Variants in EPM2A observed in about 807,000 individuals in gnomAD.
The protein encoded by EPM2A is laforin.
In EPM2A, 21 loss-of-function variants were observed where a neutral mutation model predicts 26.5. That is an observed-to-expected ratio of 0.79 (90% CI 0.56 to 1.14). The LOEUF (loss-of-function observed/expected upper bound fraction) is 1.14. Among genes scored for constraint, EPM2A ranks in the 50% most tolerant of loss-of-function variants. The pLI, the probability that EPM2A is intolerant of heterozygous loss-of-function variation, is 0.00. For missense variants in EPM2A, 458 were observed against 440.8 expected (o/e 1.04, Z -0.35); for synonymous variants, 217 against 177.6 (o/e 1.22, Z -1.76).
chr6:145,627,784 G>T, intron 3 of EPM2A, 91 bp from the exon 4 acceptor site: 2 of 1,533,122 alleles, frequency 1.3e-6, no homozygotes, highest in Non-Finnish European at 1.8e-6. Flanking sequence ...GAAATCACAG[G>T]GCTGCACAGG....
chr6:145,428,067 T>C (rs1007518587), intron 4 of EPM2A, among the ~76,000 whole-genome samples: 5 of 148,186 alleles, frequency 3.4e-5, no homozygotes, highest in African/African-American at 1.3e-4. Context: ...TATCTTTTTG[T>C]GTTGATAGTT....
chr6:145,512,662 G>T (rs1438496135), intron 2 of EPM2A, among the ~76,000 whole-genome samples: 2 of 124,536 alleles, frequency 1.6e-5, no homozygotes, highest in Non-Finnish European at 3.2e-5. Flanking sequence ...AGTGAGCCGA[G>T]ATCGCACCAC....
chr6:145,419,684 C>G (rs989167208), intron 4 of EPM2A, among the ~76,000 whole-genome samples: 6 of 152,000 alleles, frequency 3.9e-5, no homozygotes, highest in Non-Finnish European at 8.8e-5. Flanking sequence ...GCACTAAAGA[C>G]TAAAATTATC....
chr6:145,576,746 T>A (rs1781037405), intron 2 of EPM2A, among the ~76,000 whole-genome samples: 1 of 152,144 alleles, frequency 6.6e-6, no homozygotes, highest in Non-Finnish European at 1.5e-5. Context: ...ATAGAATATG[T>A]TAATACTTAA....
At chr6:145,596,372 A>G (rs912566815) in intron 2 of EPM2A, among the ~76,000 whole-genome samples, 3 of 152,182 alleles carry the variant, frequency 2.0e-5, no homozygotes, top group African/African-American at 7.2e-5. Context: ...TCTCTAAACA[A>G]TATGCATCTA....
downstream of EPM2A, among the ~76,000 whole-genome samples, chr6:145,624,186 T>C (rs1775697293): frequency 6.6e-6 from 1 of 152,176 alleles, no homozygotes; most frequent in Admixed American, 6.5e-5. Context: ...ACGTTACATC[T>C]AGCTGCTCCC....
chr6:145,410,651 AC>A (rs1333972964), intron 4 of EPM2A, among the ~76,000 whole-genome samples: 1 of 152,180 alleles, frequency 6.6e-6, no homozygotes, highest in East Asian at 1.9e-4. Flanking sequence ...GCCAATATTG[AC>A]TTTGTGTCTT....
At chr6:145,488,406 C>T (rs1231512781) in intron 4 of EPM2A, among the ~76,000 whole-genome samples, 1 of 151,594 alleles carries the variant, frequency 6.6e-6, no homozygotes, top group Admixed American at 6.6e-5. Flanking sequence ...TTGCTTTGGG[C>T]TGTATGGCTG....
intron 2 of EPM2A, among the ~76,000 whole-genome samples, chr6:145,504,316 C>A (rs372114015): frequency 3.1e-4 from 33 of 104,934 alleles, no homozygotes; most frequent in African/African-American, 1.1e-3. Flanking sequence ...CAACCTACAA[C>A]ATGGGAGAAA....
At chr6:145,474,216 C>A (rs778290288) in intron 4 of EPM2A, among the ~76,000 whole-genome samples, 16 of 152,130 alleles carry the variant, frequency 1.1e-4, no homozygotes, top group Non-Finnish European at 2.2e-4. Context: ...AATCCCAGCA[C>A]TTTGGGAAGC....
intron 1 of EPM2A, among the ~76,000 whole-genome samples, chr6:145,718,413 C>T (rs1004489061): frequency 2.0e-5 from 3 of 150,678 alleles, no homozygotes; most frequent in Admixed American, 1.3e-4. Context: ...ACTGGCTAGC[C>T]ATATGTAGAA....
chr6:145,435,765 T>C (rs1778981806), intron 4 of EPM2A, among the ~76,000 whole-genome samples: 1 of 152,106 alleles, frequency 6.6e-6, no homozygotes, highest in African/African-American at 2.4e-5. Flanking sequence ...GCTTCTTTCA[T>C]ATAGCATGAT....
rs550576651 is a variant in EPM2A, at chr6:145,405,769, G to C, written c.556-21672C>G. ...GTAAAGAAACTTCAGGTAAGAAATAGTCATTCTGGAAACTGTTGAATAGCT... is the reference window on the plus strand; with the variant it reads ...GTAAAGAAACTTCAGGTAAGAAATACTCATTCTGGAAACTGTTGAATAGCT... On this transcript the variant is annotated intron_variant, in intron 4 of 4. Coordinates refer to the EPM2A transcript ENST00000638717. Among the ~76,000 whole-genome samples, 4 of 152,222 alleles carry C rather than the reference G, an allele frequency of 2.6e-5. No individual in the cohort carries two copies. The South Asian group carries it at 8.3e-4, about 32-fold the overall frequency.
chr6:145,635,788 G>A, intron 2 of EPM2A: 1 of 288,460 alleles, frequency 3.5e-6, no homozygotes, highest in East Asian at 7.4e-5. Context: ...ATGCATATAT[G>A]GTTCCACATG....
intron 4 of EPM2A, among the ~76,000 whole-genome samples, chr6:145,399,505 G>A: frequency 6.6e-6 from 1 of 152,178 alleles, no homozygotes; most frequent in Non-Finnish European, 1.5e-5. Flanking sequence ...AACTCTGTGT[G>A]TAGTAGTTCC....
chr6:145,700,580 T>C (rs76572241), intron 1 of EPM2A, among the ~76,000 whole-genome samples: 1 of 152,088 alleles, frequency 6.6e-6, no homozygotes, highest in African/African-American at 2.4e-5. Flanking sequence ...CTTTGTGCAC[T>C]TAAATATACA....
chr6:145,679,233 G>A (rs1780311520), intron 2 of EPM2A, among the ~76,000 whole-genome samples: 1 of 150,624 alleles, frequency 6.6e-6, no homozygotes, highest in Non-Finnish European at 1.5e-5. Flanking sequence ...CACAGGGTGG[G>A]GAACATCACA....
At chr6:145,498,869 G>C (rs1427262204), downstream of EPM2A, among the ~76,000 whole-genome samples, 1 of 152,106 alleles carries the variant, frequency 6.6e-6, no homozygotes, top group African/African-American at 2.4e-5. Flanking sequence ...TGGATACAAA[G>C]GCTGTTTTCA....
chr6:145,533,000 A>G (rs1252937387), intron 2 of EPM2A, among the ~76,000 whole-genome samples: 2 of 152,112 alleles, frequency 1.3e-5, no homozygotes, highest in East Asian at 1.9e-4. Context: ...TTAAGCATCA[A>G]ACTTATATAT....
Sources: allele counts gnomAD v4.1 joint callset (sites outside exome capture counted in the v4.1 genomes callset), GRCh38; gene constraint gnomAD v4.1.1; transcripts MANE v1.5; gene names NCBI Gene and HGNC (gene_info 2026-07-23, HGNC 2026-07-21).